BEND7: variants seen among roughly 807,000 people sequenced by gnomAD.
The protein encoded by BEND7 is BEN domain containing 7, also known as BEN domain-containing protein 7.
In BEND7, 28 loss-of-function variants were observed where a neutral mutation model predicts 50.9. The ratio of observed to expected loss-of-function variants is 0.55; its 90% confidence interval spans 0.41 to 0.75. BEND7 has a LOEUF of 0.75. Ranked by LOEUF, BEND7 falls within the 30% of genes least tolerant of loss-of-function variation. BEND7 has a pLI of 0.00. For missense variants in BEND7, 477 were observed against 491.3 expected (o/e 0.97, Z 0.28); for synonymous variants, 170 against 183.9 (o/e 0.92, Z 0.61).
intron 7 of BEND7, 22 bp downstream of exon 7, chr10:13,452,516 AT>A: frequency 6.3e-7 from 1 of 1,582,758 alleles, no homozygotes; most frequent in Non-Finnish European, 8.6e-7. Flanking sequence ...TTCTCCAATT[AT>A]TTTTCTGCAC....
At chr10:13,472,778 C>T (rs2075008763) in intron 6 of BEND7, among the ~76,000 whole-genome samples, 2 of 149,112 alleles carry the variant, frequency 1.3e-5, no homozygotes, top group South Asian at 2.1e-4. Context: ...GGTCAATATC[C>T]GTCATTGCTC....
At chr10:13,485,590 G>A (rs2076168527) in intron 5 of BEND7, among the ~76,000 whole-genome samples, 1 of 152,204 alleles carries the variant, frequency 6.6e-6, no homozygotes. Flanking sequence ...GCCTATAACA[G>A]GATTCATAAG....
At chr10:13,498,588 C>T (rs2132159577) in intron 3 of BEND7, among the ~76,000 whole-genome samples, 1 of 152,280 alleles carries the variant, frequency 6.6e-6, no homozygotes, top group Middle Eastern at 3.4e-3. Flanking sequence ...ATTGTCTCTT[C>T]CATGGTAGTA....
At chr10:13,494,292 C>T (rs1047483151) in intron 4 of BEND7, among the ~76,000 whole-genome samples, 1 of 152,184 alleles carries the variant, frequency 6.6e-6, no homozygotes, top group Non-Finnish European at 1.5e-5. Context: ...TGGTGGGCAC[C>T]TGTAGTCCCA....
chr10:13,464,592 G>T (rs1285250840), intron 6 of BEND7, among the ~76,000 whole-genome samples: 1 of 151,982 alleles, frequency 6.6e-6, no homozygotes, highest in Non-Finnish European at 1.5e-5. Flanking sequence ...CTTAGAGAGG[G>T]GATATGAAGT....
At chr10:13,470,550 C>A (rs541199381) in intron 6 of BEND7, among the ~76,000 whole-genome samples, 73 of 152,118 alleles carry the variant, frequency 4.8e-4, no homozygotes, top group Admixed American at 1.4e-3. Context: ...GAAGAAAGAT[C>A]AAAAAAAGCC....
intron 2 of BEND7, among the ~76,000 whole-genome samples, chr10:13,507,813 C>T (rs565764897): frequency 7.2e-5 from 11 of 152,176 alleles, no homozygotes; most frequent in Admixed American, 2.0e-4. Flanking sequence ...GGTGGTTGCA[C>T]AACACTGTGA....
intron 6 of BEND7, among the ~76,000 whole-genome samples, chr10:13,462,970 A>G (rs1292204914): frequency 6.6e-6 from 1 of 152,236 alleles, no homozygotes; most frequent in Non-Finnish European, 1.5e-5. Context: ...TCTAGAGAAC[A>G]CTGGAATATC....
At chr10:13,491,050 C>T (rs1252207599) in intron 5 of BEND7, among the ~76,000 whole-genome samples, 1 of 152,128 alleles carries the variant, frequency 6.6e-6, no homozygotes, top group Non-Finnish European at 1.5e-5. Flanking sequence ...TTGATCTGCC[C>T]ACCTTGGCCT....
chr10:13,441,535 A>G lies in BEND7; in HGVS notation c.*208T>C. On this transcript the variant is annotated 3_prime_UTR_variant, in exon 9 of 9. Coordinates refer to ENST00000466271, the MANE Select transcript of BEND7 (RefSeq NM_001369863.1). The stretch of plus-strand genomic sequence containing the variant: ...CCGCCTTGGAAGGCAGTGCTTCTGA[A>G]GGTTCCCAGCAGATCTCTTAACAGA... 1 of 1,393,988 alleles carries G rather than the reference A, an allele frequency of 7.2e-7. No individual in the cohort carries two copies. Among genetic ancestry groups the G allele is most frequent in the South Asian group, 1.7e-5 (1 of 57,770 alleles). The allele number at this position is 1,393,988 out of a possible 1,614,324, so 86.4% of individuals were successfully genotyped here.
intron 2 of BEND7, among the ~76,000 whole-genome samples, chr10:13,522,200 GA>G (rs2079129052): frequency 6.6e-6 from 1 of 152,232 alleles, no homozygotes; most frequent in Non-Finnish European, 1.5e-5. Flanking sequence ...TACATACTAT[GA>G]TAAATCTAAC....
intron 6 of BEND7, among the ~76,000 whole-genome samples, chr10:13,473,626 G>A (rs2075129794): frequency 6.9e-6 from 1 of 144,756 alleles, no homozygotes; most frequent in African/African-American, 2.6e-5. Context: ...TTAGACTCAG[G>A]GCCGATTCGT....
At chr10:13,464,154 C>T (rs191086063) in intron 6 of BEND7, among the ~76,000 whole-genome samples, 44 of 152,338 alleles carry the variant, frequency 2.9e-4, no homozygotes, top group African/African-American at 9.4e-4. Flanking sequence ...GTTACTCGGC[C>T]GTTCCATTGC....
intron 2 of BEND7, among the ~76,000 whole-genome samples, chr10:13,510,953 G>A (rs1042427685): frequency 6.6e-6 from 1 of 152,080 alleles, no homozygotes; most frequent in Admixed American, 6.5e-5. Context: ...TGAGGTGGAC[G>A]GATCACTTGA....
At chr10:13,455,466 G>A (rs978006963) in intron 6 of BEND7, among the ~76,000 whole-genome samples, 5 of 152,152 alleles carry the variant, frequency 3.3e-5, no homozygotes, top group Non-Finnish European at 4.4e-5. Context: ...CCCTATGAAG[G>A]TCAGTGAGGG....
intron 6 of BEND7, among the ~76,000 whole-genome samples, chr10:13,464,468 G>A (rs1388833003): frequency 6.6e-6 from 1 of 152,068 alleles, no homozygotes. Flanking sequence ...ATAATGAATA[G>A]GATTGACGGG....
At chr10:13,520,076 T>C (rs10752309) in intron 2 of BEND7, among the ~76,000 whole-genome samples, 119,405 of 152,110 alleles carry the variant, frequency 0.78, 47,068 homozygotes, top group Non-Finnish European at 0.81. Flanking sequence ...CATGGTACAG[T>C]GGAAAGATCG....
intron 2 of BEND7, chr10:13,511,229 T>C (rs1402142024): frequency 2.0e-5 from 3 of 152,094 alleles, no homozygotes; most frequent in Admixed American, 2.0e-4. Flanking sequence ...AGTGTATTAG[T>C]GAGAAGGGGA....
intron 8 of BEND7, chr10:13,446,015 C>T (rs1184648643): frequency 6.6e-6 from 1 of 152,156 alleles, no homozygotes; most frequent in Non-Finnish European, 1.5e-5. Context: ...CAGAGAATGA[C>T]AAATTGGGAA....
Sources: gnomAD v4.1 joint callset for allele counts (sites outside exome capture counted in the v4.1 genomes callset) on GRCh38, gnomAD v4.1.1 for gene constraint, MANE v1.5 for transcripts, NCBI Gene and HGNC (gene_info 2026-07-23, HGNC 2026-07-21) for gene names.